Variants in XYLT1 observed in about 807,000 individuals in gnomAD.
The protein encoded by XYLT1 is xylosyltransferase 1, also known as beta-D-xylosyltransferase 1.
In XYLT1, 36 loss-of-function variants were observed where a neutral mutation model predicts 91.3. The observed-to-expected ratio is 0.39, with a 90% CI of 0.30 to 0.52. The LOEUF (loss-of-function observed/expected upper bound fraction) is 0.52, where lower values mean the gene tolerates loss of function less well. Ranked by LOEUF, XYLT1 falls within the 20% of genes least tolerant of loss-of-function variation. XYLT1 has a pLI of 0.68. For missense variants in XYLT1, 1,242 were observed against 1,284.5 expected, an observed-to-expected ratio of 0.97 and a Z score of 0.51; for synonymous variants, 588 against 532.0, an observed-to-expected ratio of 1.11 and a Z score of -1.45.
intron 5 of XYLT1, among the ~76,000 whole-genome samples, chr16:17,191,350 C>A (rs756743395): frequency 6.6e-6 from 1 of 152,224 alleles, no homozygotes; most frequent in South Asian, 2.1e-4. Flanking sequence ...TACGCAGATG[C>A]AGTGACTGTA....
chr16:17,127,501 T>C (rs2030300622), intron 10 of XYLT1, among the ~76,000 whole-genome samples, 165 bp downstream of exon 10: 1 of 152,222 alleles, frequency 6.6e-6, no homozygotes, highest in South Asian at 2.1e-4. Flanking sequence ...CTGGTGCCAG[T>C]GACTGGGGCC....
intron 2 of XYLT1, among the ~76,000 whole-genome samples, chr16:17,339,017 A>C (rs768754113): frequency 6.6e-6 from 1 of 152,208 alleles, no homozygotes; most frequent in Non-Finnish European, 1.5e-5. Flanking sequence ...ATTCAACTAT[A>C]AACAGTCAGG....
At chr16:17,202,234 C>A (rs2032556338) in intron 3 of XYLT1, among the ~76,000 whole-genome samples, 1 of 152,128 alleles carries the variant, frequency 6.6e-6, no homozygotes, top group African/African-American at 2.4e-5. Flanking sequence ...TGCAAGTGTC[C>A]CAGCATCTAA....
chr16:17,282,953 A>G (rs916622646), intron 2 of XYLT1, among the ~76,000 whole-genome samples: 1 of 144,676 alleles, frequency 6.9e-6, no homozygotes, highest in South Asian at 2.3e-4. Context: ...ACACACAGCA[A>G]TAAGTCACCC....
intron 4 of XYLT1, 33 bp from the exon 5 acceptor site, chr16:17,198,447 A>C (rs781360112): frequency 6.2e-7 from 1 of 1,602,320 alleles, no homozygotes; most frequent in Non-Finnish European, 8.5e-7. Flanking sequence ...GATGACAGTC[A>C]GTGGCCTAGA....
At chr16:17,358,737 A>G (rs1040115182) in intron 1 of XYLT1, among the ~76,000 whole-genome samples, 2 of 152,182 alleles carry the variant, frequency 1.3e-5, no homozygotes, top group Non-Finnish European at 2.9e-5. Flanking sequence ...TGGCTCCGTA[A>G]GAGGATTAGG....
intron 1 of XYLT1, among the ~76,000 whole-genome samples, chr16:17,389,702 T>C (rs897205394): frequency 6.6e-6 from 1 of 151,990 alleles, no homozygotes; most frequent in East Asian, 1.9e-4. Flanking sequence ...CAAAGAAAAA[T>C]AAAGTGAAAT....
rs115238623 is a variant in XYLT1, at chr16:17,157,702, C to G, written c.1370+1127G>C. 2.7e-3 allele frequency among the ~76,000 whole-genome samples: 411 copies of G among 152,232 alleles called. 2 individuals carry two copies. The highest frequency in any genetic ancestry group is 9.2e-3 in the African/African-American group (383 of 41,534). On this transcript the variant is annotated intron_variant, in intron 6 of 11. Coordinates refer to ENST00000261381, the MANE Select transcript of XYLT1 (RefSeq NM_022166.4). ...TGCCAGGTTCAATGCTAGAACAAGA[C>G]CCCGGGATGTCAGAGCCACCCTGGA...
intron 2 of XYLT1, among the ~76,000 whole-genome samples, chr16:17,344,875 A>G (rs888316014): frequency 6.6e-6 from 1 of 151,872 alleles, no homozygotes; most frequent in Non-Finnish European, 1.5e-5. Context: ...TAATTTTTAT[A>G]TTTTTAGTAG....
At chr16:17,315,507 C>T (rs531650846) in intron 2 of XYLT1, among the ~76,000 whole-genome samples, 37 of 146,810 alleles carry the variant, frequency 2.5e-4, no homozygotes, top group Non-Finnish European at 3.9e-4. Flanking sequence ...CACAGCAGAT[C>T]GTTATTGTAA....
intron 3 of XYLT1, among the ~76,000 whole-genome samples, chr16:17,207,044 T>TTTCC (rs1336961923): frequency 7.7e-6 from 1 of 129,964 alleles, no homozygotes; most frequent in Non-Finnish European, 1.5e-5. Flanking sequence ...GTTGGTTTTC[T>TTTCC]TTTCTTTCTT....
intron 3 of XYLT1, among the ~76,000 whole-genome samples, chr16:17,225,272 C>T (rs2033043347): frequency 6.6e-6 from 1 of 152,048 alleles, no homozygotes; most frequent in Non-Finnish European, 1.5e-5. Flanking sequence ...TCCCAGTCTC[C>T]ATGGGCCATG....
chr16:17,460,719 G>C (rs1156910331), intron 1 of XYLT1, among the ~76,000 whole-genome samples: 2 of 152,186 alleles, frequency 1.3e-5, no homozygotes, highest in African/African-American at 4.8e-5. Flanking sequence ...CGTGGACCCT[G>C]TATTGCCGGA....
At chr16:17,364,719 A>G (rs529691878) in intron 1 of XYLT1, among the ~76,000 whole-genome samples, 2 of 152,350 alleles carry the variant, frequency 1.3e-5, no homozygotes, top group South Asian at 4.1e-4. Flanking sequence ...TATAGATCAG[A>G]TAACTGATAC....
intron 5 of XYLT1, among the ~76,000 whole-genome samples, chr16:17,189,940 G>A (rs956770833): frequency 2.0e-5 from 3 of 152,142 alleles, no homozygotes. Flanking sequence ...CAGCTACCTG[G>A]GAGGCAGAGC....
At position 17,186,467 on chromosome 16, in the gene XYLT1, A is replaced by ATTTTTTT. The variant is rs55895412; in HGVS notation, c.1289+11738_1289+11744dup. On this transcript the variant is annotated intron_variant, in intron 5 of 11. Transcript: ENST00000261381. ...AGGGGTGCACCACCACACCTGGTTA[A>ATTTTTTT]TTTTTTTTTTTTTTTTTTTAGAAAT... Among the ~76,000 whole-genome samples the ATTTTTTT allele has an allele frequency of 6.0e-5, 8 of 132,410 alleles. No homozygotes were observed. In the South Asian group the frequency reaches 7.4e-4, roughly 12 times the overall value. The allele number at this position is 132,410 out of a possible 152,430, so 86.9% of individuals were successfully genotyped here.
intron 1 of XYLT1, among the ~76,000 whole-genome samples, chr16:17,366,274 AC>A (rs960921531): frequency 3.3e-5 from 5 of 151,968 alleles, no homozygotes; most frequent in African/African-American, 1.2e-4. Context: ...AGAATTTATC[AC>A]CCCCATATTA....
chr16:17,159,257 C>T (rs2031490745), intron 5 of XYLT1, among the ~76,000 whole-genome samples: 2 of 152,180 alleles, frequency 1.3e-5, no homozygotes, highest in South Asian at 4.1e-4. Flanking sequence ...ACAGCAACCT[C>T]AGGACCTTTG....
intron 1 of XYLT1, among the ~76,000 whole-genome samples, chr16:17,456,203 C>T (rs1046850260): frequency 6.7e-6 from 1 of 150,358 alleles, no homozygotes; most frequent in Non-Finnish European, 1.5e-5. Flanking sequence ...CAGTTTCACA[C>T]TCGACCTTTT....
Sources: gnomAD v4.1 joint callset for allele counts (sites outside exome capture counted in the v4.1 genomes callset) on GRCh38, gnomAD v4.1.1 for gene constraint, MANE v1.5 for transcripts, NCBI Gene and HGNC (gene_info 2026-07-23, HGNC 2026-07-21) for gene names.